AHDC1: variants seen among roughly 807,000 people sequenced by gnomAD.
The protein encoded by AHDC1 is transcription factor Gibbin.
AHDC1 carries 7 observed loss-of-function variants against 87.9 expected under a neutral mutation model. The ratio of observed to expected loss-of-function variants is 0.08; its 90% CI spans 0.05 to 0.15. The LOEUF (loss-of-function observed/expected upper bound fraction) is 0.15. AHDC1 is among the 10% of genes least tolerant of loss of function. The pLI is 1.00. For synonymous variants in AHDC1, 1,051 were observed against 1,006.8 expected (o/e 1.04, Z -0.83); for missense variants, 1,841 against 2,253.2 (o/e 0.82, Z 3.70).
rs1021884026 is a variant in AHDC1, at chr1:27,550,769, T to C, written c.1347A>G (p.Pro449=). The change falls in exon 8 of 9, where the codon CCA becomes CCG. Residue 449 remains proline, a synonymous_variant. Coordinates refer to ENST00000673934, the MANE Select transcript of AHDC1 (RefSeq NM_001371928.1). ...ALPGPGPVSV[P]ELKPESSQTP... The stretch of plus-strand genomic sequence containing the variant: ...TCTGGGAAGATTCCGGCTTCAACTC[T>C]GGGACTGAGACCGGGCCTGGGCCTG... 22 of 1,573,964 alleles carry C rather than the reference T, an allele frequency of 1.4e-5. No individual in the cohort carries two copies. The highest frequency in any genetic ancestry group is 1.9e-5 in the Non-Finnish European group (22 of 1,160,434).
Position 27,595,421 on chromosome 1 carries a change from AG to A in AHDC1, c.-629+7975del, listed in dbSNP as rs2089342108. Among the ~76,000 whole-genome samples, 1 of 145,966 alleles carries A rather than the reference AG, an allele frequency of 6.9e-6. No homozygotes were observed. ...GTATCTGGCAGTGTTGGGGTTGGAT[AG>A]GGGGTTGATATGCTGAGGGTGTGAT... On this transcript the variant is annotated intron_variant, in intron 3 of 8. Transcript: ENST00000673934. The surrounding 1 kb of genome is among the most constrained non-coding windows in gnomAD (Gnocchi z 4.0).
At chr1:27,568,903 C>CCGAGAAAGGTATCT (rs2148385988) in intron 3 of AHDC1, among the ~76,000 whole-genome samples, 1 of 152,162 alleles carries the variant, frequency 6.6e-6, no homozygotes, top group East Asian at 1.9e-4. Context: ...ATGCCTGCGC[C>CCGAGAAAGGTATCT]TTCTCAAACA....
At position 27,543,919 on chromosome 1, in the gene AHDC1, G is replaced by A. The variant is rs574829923; in HGVS notation, c.*43+3342C>T. On this transcript the variant is annotated intron_variant, in intron 8 of 8. Coordinates refer to ENST00000673934, the MANE Select transcript of AHDC1 (RefSeq NM_001371928.1). ...GATCGTGCCACTGCACTCCAGCCTC[G>A]GCGACACAGTGAGGCTCCATCTCAA... Among the ~76,000 whole-genome samples, 18 of 151,984 alleles carry A rather than the reference G, an allele frequency of 1.2e-4. No homozygotes were observed. The South Asian group carries it at 3.3e-3, about 28-fold the overall frequency.
At chr1:27,535,297 T>C (rs2018593113) in intron 8 of AHDC1, among the ~76,000 whole-genome samples, 1 of 152,228 alleles carries the variant, frequency 6.6e-6, no homozygotes, top group Non-Finnish European at 1.5e-5. Flanking sequence ...TGAGCCTCAG[T>C]TTGCCCATCT....
In AHDC1 at chr1:27,558,436, T is replaced by C. The variant is rs2148331823; in HGVS notation, c.-356A>G. On this transcript the variant is annotated 5_prime_UTR_variant, in exon 5 of 9. Coordinates refer to ENST00000673934, the MANE Select transcript of AHDC1 (RefSeq NM_001371928.1). This position sits in a 1 kb window ranked among gnomAD's most constrained non-coding sequence, Gnocchi z 5.6. ...CCTGGTCATTGTCACAACCCCTTTC[T>C]CCTCCCAGTTCTCTCAGGTCATCAA... 2 of 246,098 alleles carry C rather than the reference T, an allele frequency of 8.1e-6. No homozygotes were observed. Among genetic ancestry groups the C allele is most frequent in the South Asian group, 1.8e-4 (1 of 5,606 alleles). 15.2% of individuals were successfully genotyped at this position (246,098 alleles called of 1,614,324 possible).
rs147174735 is a variant in AHDC1 at position 27,548,057 on chromosome 1, C to T, written c.4059G>A (p.Thr1353=). ...CTTGGCCAAAGGTGCCATCGGAAGG[C>T]GTGGACGGGTTCATGGAGTAGGGTC... The part of the protein sequence containing the change: ...FIGPYSMNPS[T]PSDGTFGQGF... Residue 1353 remains threonine, a synonymous_variant, in exon 8 of 9, where the codon ACG becomes ACA. Transcript: ENST00000673934. 3.7e-5 allele frequency: 59 copies of T among 1,613,708 alleles called. No homozygotes were observed. The African/African-American group carries it at 5.5e-4, about 15-fold the overall frequency.
intron 8 of AHDC1, among the ~76,000 whole-genome samples, chr1:27,541,383 A>G (rs1557649173): frequency 6.6e-6 from 1 of 151,810 alleles, no homozygotes; most frequent in Admixed American, 6.6e-5. Flanking sequence ...CAGTGGTACG[A>G]TCGTAGTTCA....
intron 3 of AHDC1, among the ~76,000 whole-genome samples, chr1:27,577,030 G>A (rs912635979): frequency 2.0e-5 from 3 of 152,026 alleles, no homozygotes; most frequent in African/African-American, 7.3e-5. Flanking sequence ...TGGTGACAGC[G>A]CCCCTGTCAC....
At position 27,548,087 on chromosome 1, in the gene AHDC1, G is replaced by C. The variant is rs1218668833; in HGVS notation, c.4029C>G (p.Phe1343Leu). The C allele has an allele frequency of 1.9e-6, 3 of 1,613,972 alleles. No homozygotes were observed. Among genetic ancestry groups the C allele is most frequent in the Non-Finnish European group, 2.5e-6 (3 of 1,180,030 alleles). Residue 1343 changes from phenylalanine to leucine, a missense_variant, in exon 8 of 9, where the codon TTC becomes TTG. By Grantham distance (22) the Phe-to-Leu change is conservative. Coordinates refer to ENST00000673934, the MANE Select transcript of AHDC1 (RefSeq NM_001371928.1). ...ACGGGTTCATGGAGTAGGGTCCTAT[G>C]AAGTCACAGGGGTCTCGCTCTCCCA... Reference protein sequence around the residue: ...FGVGERDPCDFIGPYSMNPST... With the variant: ...FGVGERDPCDLIGPYSMNPST...
rs779777022 is a variant in AHDC1 at position 27,548,917 on chromosome 1, C to T, written c.3199G>A (p.Gly1067Ser). 6.2e-7 allele frequency: 1 copy of T among 1,601,872 alleles called. No homozygotes were observed. Among genetic ancestry groups the T allele is most frequent in the South Asian group, 1.1e-5 (1 of 90,090 alleles). Reference protein sequence around the residue: ...DSRASTVSPGGYMVPKGTTAS... With the variant: ...DSRASTVSPGSYMVPKGTTAS... ...GTGGTGCCCTTGGGTACCATGTAGC[C>T]ACCGGGCGAGACTGTGCTGGCCCGG... is the stretch of plus-strand genomic sequence containing the variant. Residue 1067 changes from glycine to serine, a missense_variant, in exon 8 of 9, where the codon GGC becomes AGC. Around this residue, in one of 13 missense-constraint regions of AHDC1, gnomAD observed 378 missense variants for 399.0 expected, o/e 0.95. Coordinates refer to ENST00000673934, the MANE Select transcript of AHDC1 (RefSeq NM_001371928.1).
At chr1:27,566,960 C>T (rs2020349416) in intron 3 of AHDC1, among the ~76,000 whole-genome samples, 1 of 151,928 alleles carries the variant, frequency 6.6e-6, no homozygotes, top group African/African-American at 2.4e-5. Context: ...AGAAGCCTCG[C>T]CCCTGCCCTC....
chr1:27,558,785 G>A lies in AHDC1; in HGVS notation c.-530C>T, dbSNP rs1008578911. 12 of 398,516 alleles carry A rather than the reference G, an allele frequency of 3.0e-5. No homozygotes were observed. The East Asian group carries it at 3.6e-4, about 12-fold the overall frequency. 24.7% of individuals were successfully genotyped at this position (398,516 alleles called of 1,614,324 possible). A position where few individuals can be genotyped will look rare whatever the true frequency, so the allele number is the denominator to read the frequency against. The stretch of plus-strand genomic sequence containing the variant: ...GCATCTCCAGGGTGGTCTCTGCAAC[G>A]GCCTGAGCGTCGCCCCGCACTCGGG... On this transcript the variant is annotated 5_prime_UTR_variant, in exon 4 of 9. Coordinates refer to ENST00000673934, the MANE Select transcript of AHDC1 (RefSeq NM_001371928.1). The surrounding 1 kb of genome is among the most constrained non-coding windows in gnomAD (Gnocchi z 5.6).
rs1557707692 is a variant in AHDC1 at position 27,593,144 on chromosome 1, C to T, written c.-629+10253G>A. On this transcript the variant is annotated intron_variant, in intron 3 of 8. Coordinates refer to ENST00000673934, the MANE Select transcript of AHDC1 (RefSeq NM_001371928.1). The surrounding 1 kb of genome is among the most constrained non-coding windows in gnomAD (Gnocchi z 4.9). Reference sequence around the variant, plus strand: ...AGACACGGTGTCTCCTCAGGGAAGGCCCCTAGGGTCCCGGGCTCCCTCCAG... The same window carrying T: ...AGACACGGTGTCTCCTCAGGGAAGGTCCCTAGGGTCCCGGGCTCCCTCCAG... 6.6e-6 allele frequency among the ~76,000 whole-genome samples: 1 copy of T among 152,024 alleles called. No homozygotes were observed. The highest frequency in any genetic ancestry group is 1.5e-5 in the Non-Finnish European group (1 of 67,968).
At chr1:27,588,497 C>G (rs1423373834) in intron 3 of AHDC1, among the ~76,000 whole-genome samples, 1 of 152,216 alleles carries the variant, frequency 6.6e-6, no homozygotes, top group African/African-American at 2.4e-5. Context: ...CCACAGCAGG[C>G]AGGGCCGGAG....
rs765397083 is a variant in AHDC1, at chr1:27,549,525, G to C, written c.2591C>G (p.Ser864Cys). 1.2e-6 allele frequency: 2 copies of C among 1,613,328 alleles called. No homozygotes were observed. The highest frequency in any genetic ancestry group is 2.2e-5 in the South Asian group (2 of 91,086). ...DFALSASRPE[S>C]RKASGTYAGP... ...TGCATAGGTGCCCGATGCCTTCCGG[G>C]ACTCTGGGCGAGAGGCTGAGAGGGC... is the stretch of plus-strand genomic sequence containing the variant. The change falls in exon 8 of 9, where the codon TCC (serine) becomes TGC (cysteine). Residue 864 changes from serine to cysteine, a missense_variant. By Grantham distance (112) the Ser-to-Cys change is moderately radical (BLOSUM62 -1). Transcript: ENST00000673934.
chr1:27,582,978 T>G (rs189328872), intron 3 of AHDC1, among the ~76,000 whole-genome samples: 351 of 152,274 alleles, frequency 2.3e-3, no homozygotes, highest in Middle Eastern at 0.01. Context: ...AATAGCGCAC[T>G]CTCGGCTCAC....
chr1:27,536,754 T>C (rs983975996), intron 8 of AHDC1, among the ~76,000 whole-genome samples: 2 of 152,096 alleles, frequency 1.3e-5, no homozygotes, highest in African/African-American at 4.8e-5. Flanking sequence ...TAGGATGGGC[T>C]GCTCCAAACC....
intron 5 of AHDC1, among the ~76,000 whole-genome samples, chr1:27,556,219 A>G (rs957696090): frequency 1.7e-4 from 1 of 5,920 alleles, no homozygotes; most frequent in Non-Finnish European, 3.4e-4. Context: ...CCCCTTCCCC[A>G]GCCCTCCTTC....
rs890325911 is a variant in AHDC1, at chr1:27,552,212, G to A, written c.-74-23C>T. ...GACCTGCCAGGCAGGAAGAGCAGGAGGTCCCTTACTGAACACCTACATCCT... is the reference window on the plus strand; with the variant it reads ...GACCTGCCAGGCAGGAAGAGCAGGAAGTCCCTTACTGAACACCTACATCCT... On this transcript the variant is annotated intron_variant, in intron 7 of 8. Transcript: ENST00000673934. 8 of 1,419,776 alleles carry A rather than the reference G, an allele frequency of 5.6e-6. No homozygotes were observed. The Admixed American group carries it at 2.3e-4, about 42-fold the overall frequency. The allele number at this position is 1,419,776 out of a possible 1,614,324, so 87.9% of individuals were successfully genotyped here.
Sources: allele counts gnomAD v4.1 joint callset (sites outside exome capture counted in the v4.1 genomes callset), GRCh38; gene constraint gnomAD v4.1.1; regional missense constraint gnomAD v4.1.1; non-coding constraint Gnocchi (gnomAD v3.1); transcripts MANE v1.5; gene names NCBI Gene and HGNC (gene_info 2026-07-23, HGNC 2026-07-21).